Variants in DMBT1 observed in about 807,000 individuals in gnomAD.
DMBT1 encodes deleted in malignant brain tumors 1.
DMBT1 carries 198 observed loss-of-function variants against 252.9 expected under a neutral mutation model. The observed-to-expected ratio is 0.78, with a 90% CI of 0.70 to 0.88. DMBT1 has a LOEUF of 0.88. Ranked by LOEUF, DMBT1 falls within the 40% of genes least tolerant of loss-of-function variation. The pLI, the probability that DMBT1 is intolerant of heterozygous loss-of-function variation, is 0.00. For missense variants in DMBT1, 2,432 were observed against 2,404.7 expected, an observed-to-expected ratio of 1.01 and a Z score of -0.24; for synonymous variants, 990 against 942.7, an observed-to-expected ratio of 1.05 and a Z score of -0.92.
intron 54 of DMBT1, among the ~76,000 whole-genome samples, chr10:122,639,359 G>T (rs1026619138): frequency 6.6e-6 from 1 of 152,188 alleles, no homozygotes; most frequent in African/African-American, 2.4e-5. Context: ...GAGCAATAAA[G>T]CTTTTTAATT....
intron 45 of DMBT1, 78 bp downstream of exon 45, chr10:122,625,381 TAGGGTAGA>T: frequency 7.2e-7 from 1 of 1,381,910 alleles, no homozygotes; most frequent in Non-Finnish European, 1.0e-6. Context: ...GTAGGAGGAG[TAGGGTAGA>T]CTCCCCCTGG....
chr10:122,617,366 C>T, intron 40 of DMBT1, 106 bp downstream of exon 40: 1 of 1,378,134 alleles, frequency 7.3e-7, no homozygotes, highest in Non-Finnish European at 1.0e-6. Flanking sequence ...TTTTCATGTC[C>T]CTGTGGGTTG....
intron 44 of DMBT1, among the ~76,000 whole-genome samples, chr10:122,624,090 G>A (rs1211084897): frequency 6.6e-6 from 1 of 152,180 alleles, no homozygotes; most frequent in Non-Finnish European, 1.5e-5. Context: ...GTCAGCCAGA[G>A]GTGGAGAGGT....
At chr10:122,570,694 A>T (rs1374724584) in intron 3 of DMBT1, among the ~76,000 whole-genome samples, 196 bp from the exon 4 acceptor site, 2 of 152,114 alleles carry the variant, frequency 1.3e-5, no homozygotes, top group Non-Finnish European at 2.9e-5. Context: ...AGAGCAAAGG[A>T]TGCTTGTGCG....
At chr10:122,629,127 G>T (rs575247270) in intron 46 of DMBT1, among the ~76,000 whole-genome samples, 39 of 152,302 alleles carry the variant, frequency 2.6e-4, no homozygotes, top group African/African-American at 7.9e-4. Flanking sequence ...ATTGCTGGGT[G>T]CTTATGTGCC....
chr10:122,643,017 C>G (rs1844846440), intron 55 of DMBT1, 105 bp from the exon 56 acceptor site: 1 of 1,451,306 alleles, frequency 6.9e-7, no homozygotes, highest in Non-Finnish European at 9.5e-7. Context: ...GTGCAGGAGG[C>G]AGGGGCAGTG....
At chr10:122,599,840 C>A (rs996695989) in intron 26 of DMBT1, among the ~76,000 whole-genome samples, 1 of 151,732 alleles carries the variant, frequency 6.6e-6, no homozygotes, top group African/African-American at 2.4e-5. Flanking sequence ...TTACCCTGGG[C>A]AGACACAAGT....
At position 122,591,468 on chromosome 10, in the gene DMBT1, G is replaced by A; in HGVS notation, c.2138-11G>A. Reference sequence around the variant, plus strand: ...TTTAATTCTAGCCTTTGTCTTTGTTGCAATTTACAGACACGTTGTCGACCA... The same window carrying A: ...TTTAATTCTAGCCTTTGTCTTTGTTACAATTTACAGACACGTTGTCGACCA... On this transcript the variant is annotated splice_polypyrimidine_tract_variant and intron_variant, in intron 18 of 55. Coordinates refer to ENST00000338354, the MANE Select transcript of DMBT1 (RefSeq NM_001377530.1). 1 of 1,585,854 alleles carries A rather than the reference G, an allele frequency of 6.3e-7. No homozygotes were observed. Among genetic ancestry groups the A allele is most frequent in the African/African-American group, 1.3e-5 (1 of 74,640 alleles).
intron 1 of DMBT1, among the ~76,000 whole-genome samples, chr10:122,564,817 G>T (rs1405001713): frequency 6.6e-6 from 1 of 152,170 alleles, no homozygotes; most frequent in Non-Finnish European, 1.5e-5. Flanking sequence ...CTCATAGTCT[G>T]AGATTTCTGT....
Position 122,643,467 on chromosome 10 carries a change from C to T in DMBT1, c.*69C>T, listed in dbSNP as rs776074477. 8.5e-6 allele frequency: 13 copies of T among 1,524,146 alleles called. No homozygotes were observed. The highest frequency in any genetic ancestry group is 1.4e-5 in the African/African-American group (1 of 72,414). 94.4% of individuals were successfully genotyped at this position (1,524,146 alleles called of 1,614,324 possible). A position where few individuals can be genotyped will look rare whatever the true frequency, so the allele number is the denominator to read the frequency against. The stretch of plus-strand genomic sequence containing the variant: ...TGACTCGGGGACTTGGGATGTTCCT[C>T]TTGGTGTCATATTCCAACTCAGATT... On this transcript the variant is annotated 3_prime_UTR_variant, in exon 56 of 56. Transcript: ENST00000338354.
chr10:122,643,537 A>C lies in DMBT1; in HGVS notation c.*139A>C, dbSNP rs1844952441. 1 of 1,257,916 alleles carries C rather than the reference A, an allele frequency of 7.9e-7. No individual in the cohort carries two copies. Among genetic ancestry groups the C allele is most frequent in the Non-Finnish European group, 1.1e-6 (1 of 929,634 alleles). The allele number at this position is 1,257,916 out of a possible 1,614,324, so 77.9% of individuals were successfully genotyped here. A position where few individuals can be genotyped will look rare whatever the true frequency, so the allele number is the denominator to read the frequency against. On this transcript the variant is annotated 3_prime_UTR_variant, in exon 56 of 56. Transcript: ENST00000338354. ...ACCTGGTCATACGGAGTTGAATCAG[A>C]CCTGGTTCCCGCCTCCCCCAAGGCT...
chr10:122,571,683 G>T (rs1248293583), intron 4 of DMBT1, among the ~76,000 whole-genome samples: 4 of 152,140 alleles, frequency 2.6e-5, no homozygotes, highest in Non-Finnish European at 5.9e-5. Flanking sequence ...ACTGTCCCAT[G>T]GTGTGCTCCC....
chr10:122,622,640 A>G (rs2133643697), intron 44 of DMBT1, among the ~76,000 whole-genome samples: 1 of 152,274 alleles, frequency 6.6e-6, no homozygotes, highest in Admixed American at 6.5e-5. Context: ...AAGGCCTGGG[A>G]GGACTTTGAT....
intron 46 of DMBT1, among the ~76,000 whole-genome samples, chr10:122,628,917 GCT>G (rs1326666762): frequency 1.3e-5 from 2 of 152,018 alleles, no homozygotes; most frequent in Non-Finnish European, 1.5e-5. Flanking sequence ...TGATTTCAGA[GCT>G]CTCAGTATGC....
chr10:122,617,526 C>T (rs1345760317), intron 40 of DMBT1, among the ~76,000 whole-genome samples: 4 of 151,530 alleles, frequency 2.6e-5, no homozygotes, highest in South Asian at 4.2e-4. Context: ...TGGAAGGCTC[C>T]CTAATCCTGC....
rs779903968 is a variant in DMBT1, at chr10:122,625,232, T to C, written c.5609-45T>C. ...CACTCAGCATTTCTCTCGCTCATCA[T>C]CCTGGGCACTGGGACTGACTCATGT... On this transcript the variant is annotated intron_variant, in intron 44 of 55. Coordinates refer to ENST00000338354, the MANE Select transcript of DMBT1 (RefSeq NM_001377530.1). 7.4e-5 allele frequency: 118 copies of C among 1,597,022 alleles called. No individual in the cohort carries two copies. The Admixed American group carries it at 2.0e-3, about 26-fold the overall frequency.
intron 42 of DMBT1, among the ~76,000 whole-genome samples, chr10:122,619,748 G>A (rs1013343854): frequency 8.5e-5 from 13 of 152,238 alleles, no homozygotes; most frequent in African/African-American, 2.9e-4. Context: ...AGCAATGTCA[G>A]TGCAGGCCTG....
intron 7 of DMBT1, 81 bp downstream of exon 7, chr10:122,576,803 G>C (rs562370131): frequency 6.4e-7 from 1 of 1,561,506 alleles, no homozygotes; most frequent in South Asian, 1.2e-5. Context: ...GAGGTAGGCA[G>C]ATTGCTTGAG....
At chr10:122,561,943 T>G (rs149716791) in intron 1 of DMBT1, among the ~76,000 whole-genome samples, 205 of 150,632 alleles carry the variant, frequency 1.4e-3, no homozygotes, top group Non-Finnish European at 2.7e-3. Context: ...TGGGCAACTA[T>G]TATCACCTTT....
Sources: gnomAD v4.1 joint callset for allele counts (sites outside exome capture counted in the v4.1 genomes callset) on GRCh38, gnomAD v4.1.1 for gene constraint, MANE v1.5 for transcripts, NCBI Gene and HGNC (gene_info 2026-07-23, HGNC 2026-07-21) for gene names.